THSD7B: variants seen among roughly 807,000 people sequenced by gnomAD.
THSD7B encodes the protein thrombospondin type 1 domain containing 7B.
In THSD7B, 138 loss-of-function variants were observed where a neutral mutation model predicts 213.6. The ratio of observed to expected loss-of-function variants is 0.65; its 90% CI spans 0.56 to 0.74. The LOEUF (loss-of-function observed/expected upper bound fraction) is 0.74. Among genes scored for constraint, THSD7B ranks in the 30% least tolerant of loss-of-function variants. The probability of loss-of-function intolerance (pLI) is 0.00; values close to 1 mark genes in which losing one functional copy is unlikely to be tolerated. For synonymous variants in THSD7B, 742 were observed against 687.0 expected (o/e 1.08, Z -1.25); for missense variants, 1,931 against 1,991.5 (o/e 0.97, Z 0.58).
Position 137,659,577 on chromosome 2 carries a change from C to A in THSD7B, c.4376-87C>A, listed in dbSNP as rs1200076022. 9 of 1,195,176 alleles carry A rather than the reference C, an allele frequency of 7.5e-6. 1 individual carries two copies. Among genetic ancestry groups the A allele is most frequent in the Non-Finnish European group, 1.1e-5 (9 of 852,408 alleles). The allele number at this position is 1,195,176 out of a possible 1,614,324, so 74.0% of individuals were successfully genotyped here. ...AAATAATAATACTGTTGCAAAGAGGCCGGTGGCACAGGTTAAAAAAAAATA... is the reference window on the plus strand; with the variant it reads ...AAATAATAATACTGTTGCAAAGAGGACGGTGGCACAGGTTAAAAAAAAATA... On this transcript the variant is annotated intron_variant, in intron 24 of 27. Transcript: ENST00000409968.
At chr2:137,675,068 A>C (rs1683666006) in intron 27 of THSD7B, among the ~76,000 whole-genome samples, 1 of 152,144 alleles carries the variant, frequency 6.6e-6, no homozygotes, top group African/African-American at 2.4e-5. Context: ...CATTAAGTGT[A>C]AGAAGCCAGA....
chr2:136,862,416 C>T (rs1683269807), intron 1 of THSD7B, among the ~76,000 whole-genome samples: 1 of 152,194 alleles, frequency 6.6e-6, no homozygotes, highest in African/African-American at 2.4e-5. Flanking sequence ...CCCCTTCTAC[C>T]TGCCAGGTTA....
At chr2:137,049,551 G>T (rs1687030817) in intron 2 of THSD7B, among the ~76,000 whole-genome samples, 1 of 152,138 alleles carries the variant, frequency 6.6e-6, no homozygotes, top group Non-Finnish European at 1.5e-5. Flanking sequence ...AATAAACCAT[G>T]CCTATTACTA....
At chr2:136,912,151 A>G (rs977554197) in intron 2 of THSD7B, among the ~76,000 whole-genome samples, 2 of 151,876 alleles carry the variant, frequency 1.3e-5, no homozygotes, top group East Asian at 1.9e-4. Context: ...GCAAAACCCC[A>G]TCTCTACTAA....
chr2:137,440,711 A>G (rs1304181891), intron 14 of THSD7B, among the ~76,000 whole-genome samples: 2 of 152,082 alleles, frequency 1.3e-5, no homozygotes, highest in Non-Finnish European at 2.9e-5. Flanking sequence ...TCCTGTCCTT[A>G]TAAGAAATAC....
intron 15 of THSD7B, among the ~76,000 whole-genome samples, chr2:137,551,925 A>G (rs970967688): frequency 6.6e-6 from 1 of 152,144 alleles, no homozygotes; most frequent in African/African-American, 2.4e-5. Flanking sequence ...CACTGGACCT[A>G]GGATCTCCAG....
intron 12 of THSD7B, among the ~76,000 whole-genome samples, chr2:137,397,513 A>G (rs1686224466): frequency 6.6e-6 from 1 of 151,590 alleles, no homozygotes; most frequent in African/African-American, 2.4e-5. Flanking sequence ...TCTGGCTTGT[A>G]GGGTTTCTGC....
intron 27 of THSD7B, among the ~76,000 whole-genome samples, chr2:137,673,772 G>C (rs1471065069): frequency 3.9e-5 from 6 of 152,094 alleles, no homozygotes; most frequent in Admixed American, 2.6e-4. Context: ...ATGTTCAGTG[G>C]TCCAGAGATT....
At chr2:136,870,050 C>A (rs1049602007) in intron 1 of THSD7B, among the ~76,000 whole-genome samples, 3 of 124,768 alleles carry the variant, frequency 2.4e-5, no homozygotes, top group Admixed American at 2.0e-4. Context: ...CCGGGCTGGG[C>A]GAAAGAGCGA....
chr2:137,278,773 A>G (rs1180457494), intron 12 of THSD7B, among the ~76,000 whole-genome samples: 3 of 152,150 alleles, frequency 2.0e-5, no homozygotes, highest in Non-Finnish European at 4.4e-5. Flanking sequence ...TTTGACCTGG[A>G]CAACTGTACT....
At chr2:137,332,480 CT>C (rs1273757473) in intron 12 of THSD7B, among the ~76,000 whole-genome samples, 1 of 152,088 alleles carries the variant, frequency 6.6e-6, no homozygotes, top group Non-Finnish European at 1.5e-5. Context: ...AAAGGATTTG[CT>C]TTGTCTTAGA....
At chr2:137,026,521 T>C (rs778186305) in intron 2 of THSD7B, among the ~76,000 whole-genome samples, 8 of 152,200 alleles carry the variant, frequency 5.3e-5, no homozygotes, top group African/African-American at 1.2e-4. Context: ...CATGGCTTCT[T>C]TGGCAATAAA....
At chr2:137,143,626 C>T (rs527608489) in intron 5 of THSD7B, among the ~76,000 whole-genome samples, 3 of 152,226 alleles carry the variant, frequency 2.0e-5, no homozygotes, top group South Asian at 2.1e-4. Context: ...CTAATGTGGG[C>T]ACTTTCACAC....
Position 136,800,165 on chromosome 2 carries a change from A to C in THSD7B, c.-36+34478A>C, listed in dbSNP as rs557408787. On this transcript the variant is annotated intron_variant, in intron 1 of 27. Coordinates refer to ENST00000409968, the MANE Select transcript of THSD7B (RefSeq NM_001316349.2). The stretch of plus-strand genomic sequence containing the variant: ...ACCCTCAATTTTTTTCACATTAATT[A>C]GATTCTATAATCATTTACAGAGGAT... Among the ~76,000 whole-genome samples, 3 of 152,200 alleles carry C rather than the reference A, an allele frequency of 2.0e-5. No individual in the cohort carries two copies. The East Asian group carries it at 5.8e-4, about 29-fold the overall frequency.
intron 2 of THSD7B, among the ~76,000 whole-genome samples, chr2:137,013,759 C>T (rs1573767187): frequency 6.6e-6 from 1 of 152,264 alleles, no homozygotes; most frequent in Admixed American, 6.5e-5. Flanking sequence ...GTTCTCAGAG[C>T]CAGGCTGGTG....
At chr2:137,150,520 C>G (rs572028987) in intron 5 of THSD7B, among the ~76,000 whole-genome samples, 1 of 152,204 alleles carries the variant, frequency 6.6e-6, no homozygotes, top group East Asian at 1.9e-4. Context: ...TGCACTTCTC[C>G]TTGTTGCTGC....
intron 2 of THSD7B, among the ~76,000 whole-genome samples, chr2:136,906,055 C>T (rs1378286800): frequency 1.3e-5 from 2 of 152,200 alleles, no homozygotes; most frequent in Non-Finnish European, 2.9e-5. Flanking sequence ...TTGAACCTGG[C>T]CTTCTCTGCC....
At chr2:137,366,773 A>G (rs1685417990) in intron 12 of THSD7B, among the ~76,000 whole-genome samples, 2 of 152,168 alleles carry the variant, frequency 1.3e-5, no homozygotes, top group African/African-American at 2.4e-5. Context: ...AAAGTAAAAT[A>G]TAGACATTTT....
chr2:137,159,010 G>T (rs1311004735), intron 5 of THSD7B, among the ~76,000 whole-genome samples: 1 of 152,124 alleles, frequency 6.6e-6, no homozygotes, highest in Non-Finnish European at 1.5e-5. Context: ...ATTACTTAAT[G>T]CATTTGTCTG....
Sources: allele counts gnomAD v4.1 joint callset (sites outside exome capture counted in the v4.1 genomes callset), GRCh38; gene constraint gnomAD v4.1.1; transcripts MANE v1.5; gene names NCBI Gene and HGNC (gene_info 2026-07-23, HGNC 2026-07-21).